OLFM1: variants seen among roughly 807,000 people sequenced by gnomAD.
OLFM1 encodes olfactomedin 1.
A neutral mutation model predicts 49.7 loss-of-function variants in OLFM1; 9 were observed. The ratio of observed to expected loss-of-function variants is 0.18; its 90% CI spans 0.11 to 0.32. OLFM1 has a LOEUF of 0.32. Ranked by LOEUF, OLFM1 falls within the 10% of genes least tolerant of loss-of-function variation. The pLI is 1.00. For missense variants in OLFM1, 369 were observed against 661.8 expected (o/e 0.56, Z 4.85); for synonymous variants, 240 against 271.8 (o/e 0.88, Z 1.15).
upstream of OLFM1, among the ~76,000 whole-genome samples, chr9:135,084,094 C>T (rs543110721): frequency 6.6e-6 from 1 of 152,348 alleles, no homozygotes; most frequent in East Asian, 1.9e-4. This position sits in a 1 kb window ranked among gnomAD's most constrained non-coding sequence, Gnocchi z 4.6. Context: ...TCAGAAGACC[C>T]ATGCTGGTCT....
chr9:135,082,205 G>C (rs1830541804), intron 1 of OLFM1, among the ~76,000 whole-genome samples: 1 of 152,188 alleles, frequency 6.6e-6, no homozygotes, highest in South Asian at 2.1e-4. Flanking sequence ...AAGTTGAGAT[G>C]AAAGAGTGTA....
chr9:135,089,321 A>T (rs1367270909), intron 1 of OLFM1, among the ~76,000 whole-genome samples: 1 of 152,182 alleles, frequency 6.6e-6, no homozygotes, highest in Non-Finnish European at 1.5e-5. Flanking sequence ...TAGCAGAGAG[A>T]TGACCTGATG....
Position 135,081,620 on chromosome 9 carries a change from C to T in OLFM1, c.96+5818C>T, listed in dbSNP as rs887589281. Among the ~76,000 whole-genome samples, 5 of 152,138 alleles carry T rather than the reference C, an allele frequency of 3.3e-5. No homozygotes were observed. In the East Asian group the frequency reaches 7.7e-4, roughly 24 times the overall value. On this transcript the variant is annotated intron_variant, in intron 1 of 5. Coordinates refer to the OLFM1 transcript ENST00000252854. ...CTCTGGAGTGTAAGGTTAGGGGTTA[C>T]GTAGGCAGCCCTGTGCCCGTTAAAT... is the stretch of plus-strand genomic sequence containing the variant.
At chr9:135,077,175 C>T (rs1300869494) in intron 1 of OLFM1, 3 of 1,543,368 alleles carry the variant, frequency 1.9e-6, no homozygotes, top group Middle Eastern at 1.7e-4. Context: ...CACATGCACA[C>T]ACAGGGGAGC....
At chr9:135,084,390 C>T (rs996972946), upstream of OLFM1, among the ~76,000 whole-genome samples, 4 of 147,184 alleles carry the variant, frequency 2.7e-5, no homozygotes, top group South Asian at 4.3e-4. The surrounding 1 kb of genome is among the most constrained non-coding windows in gnomAD (Gnocchi z 4.6). Context: ...TCCTCTCTGT[C>T]TCTATTATCT....
chr9:135,117,823 C>T lies in OLFM1; in HGVS notation c.784-1681C>T, dbSNP rs575727810. Reference sequence around the variant, plus strand: ...TCCCATCCCACCTTCCTGCTAGATTCTTTCTTCAAACTGGGCCTGTGTGTC... The same window carrying T: ...TCCCATCCCACCTTCCTGCTAGATTTTTTCTTCAAACTGGGCCTGTGTGTC... On this transcript the variant is annotated intron_variant, in intron 5 of 5. Transcript: ENST00000371793. This position sits in a 1 kb window ranked among gnomAD's most constrained non-coding sequence, Gnocchi z 5.5. Among the ~76,000 whole-genome samples the T allele has an allele frequency of 6.6e-6, 1 of 152,320 alleles. No individual in the cohort carries two copies. The highest frequency in any genetic ancestry group is 1.9e-4 in the East Asian group (1 of 5,174).
rs980914261 is a variant in OLFM1 at position 135,102,100 on chromosome 9, G to A, written c.676+3595G>A. ...TTCAGAGTCCCCTGTCAGCCGCTGG[G>A]AGCTGGGCCTGCCTGGGTATCTAGG... On this transcript the variant is annotated intron_variant, in intron 4 of 5. Coordinates refer to ENST00000371793, the MANE Select transcript of OLFM1 (RefSeq NM_001282611.2). 3.9e-5 allele frequency among the ~76,000 whole-genome samples: 6 copies of A among 152,344 alleles called. No individual in the cohort carries two copies. The South Asian group carries it at 6.2e-4, about 16-fold the overall frequency.
intron 2 of OLFM1, among the ~76,000 whole-genome samples, chr9:135,091,897 T>TCACA (rs56288353): frequency 0.64 from 93,973 of 146,908 alleles, 31,539 homozygotes; most frequent in Non-Finnish European, 0.75. Flanking sequence ...TCACACATAG[T>TCACA]CACACACACA....
chr9:135,095,831 G>A, intron 2 of OLFM1, 33 bp from the exon 3 acceptor site: 2 of 1,608,486 alleles, frequency 1.2e-6, no homozygotes, highest in Non-Finnish European at 1.7e-6. Flanking sequence ...ACCTACTGCG[G>A]CTGTTTTGCT....
chr9:135,118,851 C>CTGGGT (rs1831140610), intron 5 of OLFM1, among the ~76,000 whole-genome samples: 1 of 141,830 alleles, frequency 7.1e-6, no homozygotes, highest in African/African-American at 2.7e-5. Context: ...GGAGTGCTCA[C>CTGGGT]CGGGTCTTTG....
At chr9:135,090,374 A>ATG (rs562156991) in intron 2 of OLFM1, 30 bp downstream of exon 2, 1,050 of 1,345,100 alleles carry the variant, frequency 7.8e-4, no homozygotes, top group Middle Eastern at 1.2e-3. Context: ...GTGAGTTTGT[A>ATG]TGTGTGTGTG....
intron 5 of OLFM1, among the ~76,000 whole-genome samples, chr9:135,114,678 G>GGGAGGGAGGGA (rs1831072032): frequency 6.6e-6 from 1 of 151,832 alleles, no homozygotes; most frequent in Admixed American, 6.6e-5. Flanking sequence ...GATGTGACTG[G>GGGAGGGAGGGA]GCAGCCTGGG....
chr9:135,104,388 G>A (rs1830910429), intron 4 of OLFM1, among the ~76,000 whole-genome samples: 1 of 152,208 alleles, frequency 6.6e-6, no homozygotes, highest in Non-Finnish European at 1.5e-5. Flanking sequence ...AAGGTGGAGG[G>A]CAGACACCTG....
rs1460086996 is a variant in OLFM1, at chr9:135,118,367, A to ACTGGGTCTTTGGAGTGCTCG, written c.784-1113_784-1094dup. 7.6e-4 allele frequency among the ~76,000 whole-genome samples: 103 copies of ACTGGGTCTTTGGAGTGCTCG among 136,284 alleles called. 1 individual carries two copies. Among genetic ancestry groups the ACTGGGTCTTTGGAGTGCTCG allele is most frequent in the Middle Eastern group, 4.3e-3 (1 of 234 alleles). The allele number at this position is 136,284 out of a possible 152,430, so 89.4% of individuals were successfully genotyped here. A position where few individuals can be genotyped will look rare whatever the true frequency, so the allele number is the denominator to read the frequency against. On this transcript the variant is annotated intron_variant, in intron 5 of 5. Coordinates refer to ENST00000371793, the MANE Select transcript of OLFM1 (RefSeq NM_001282611.2). ...GCTCGCTGGGTCTTTGGAAATGCTC[A>ACTGGGTCTTTGGAGTGCTCG]CTGGGTCTTTGGAGTGCTCGCTGGG... is the stretch of plus-strand genomic sequence containing the variant.
chr9:135,108,073 G>A (rs1830970733), intron 5 of OLFM1, among the ~76,000 whole-genome samples: 1 of 152,214 alleles, frequency 6.6e-6, no homozygotes, highest in African/African-American at 2.4e-5. Context: ...GCCCCCATCT[G>A]GAAGGGCTGG....
At position 135,113,541 on chromosome 9, in the gene OLFM1, A is replaced by G. The variant is rs929646349; in HGVS notation, c.784-5963A>G. On this transcript the variant is annotated intron_variant, in intron 5 of 5. Transcript: ENST00000371793. This position sits in a 1 kb window ranked among gnomAD's most constrained non-coding sequence, Gnocchi z 4.0. ...GCACAGAGAGGGGTGGAAACTCCCCAGGTCTCGCTGGAGACTGGCGGTGGC... is the reference window on the plus strand; with the variant it reads ...GCACAGAGAGGGGTGGAAACTCCCCGGGTCTCGCTGGAGACTGGCGGTGGC... 3.9e-5 allele frequency among the ~76,000 whole-genome samples: 6 copies of G among 152,208 alleles called. No individual in the cohort carries two copies. The highest frequency in any genetic ancestry group is 5.9e-5 in the Non-Finnish European group (4 of 68,022).
intron 1 of OLFM1, chr9:135,076,913 A>G: frequency 6.4e-7 from 1 of 1,550,646 alleles, no homozygotes; most frequent in Non-Finnish European, 8.7e-7. Context: ...TTTGCCTGGA[A>G]GCCCACGCTG....
chr9:135,099,869 T>A (rs1026477455), intron 4 of OLFM1, among the ~76,000 whole-genome samples: 36 of 151,918 alleles, frequency 2.4e-4, no homozygotes, highest in African/African-American at 7.5e-4. Context: ...TTTCTAGGAG[T>A]TGGTGTGAGT....
rs760836918 is a variant in OLFM1, at chr9:135,088,170, G to GCTC, written c.150+51_150+53dup. The GCTC allele has an allele frequency of 1.2e-3, 1,575 of 1,298,244 alleles. 1 individual carries two copies. The highest frequency in any genetic ancestry group is 1.5e-3 in the Non-Finnish European group (1,482 of 1,012,118). The allele number at this position is 1,298,244 out of a possible 1,614,324, so 80.4% of individuals were successfully genotyped here. A position where few individuals can be genotyped will look rare whatever the true frequency, so the allele number is the denominator to read the frequency against. On this transcript the variant is annotated intron_variant, in intron 1 of 5. Coordinates refer to ENST00000371793, the MANE Select transcript of OLFM1 (RefSeq NM_001282611.2). The surrounding 1 kb of genome is among the most constrained non-coding windows in gnomAD (Gnocchi z 4.8). ...TGCGCCCGCCGGCCGCCTTGGCGCG[G>GCTC]CTCCTCCTCCTCCTCCTCCTCCCCC... is the stretch of plus-strand genomic sequence containing the variant.
Sources: gnomAD v4.1 joint callset for allele counts (sites outside exome capture counted in the v4.1 genomes callset) on GRCh38, gnomAD v4.1.1 for gene constraint, Gnocchi (gnomAD v3.1) non-coding constraint, MANE v1.5 for transcripts, NCBI Gene and HGNC (gene_info 2026-07-23, HGNC 2026-07-21) for gene names.